FOCAD: variants seen among roughly 807,000 people sequenced by gnomAD.
FOCAD encodes KIAA1797.
A neutral mutation model predicts 225.6 loss-of-function variants in FOCAD; 198 were observed. The observed-to-expected ratio is 0.88, with a 90% confidence interval of 0.78 to 0.99. The LOEUF (loss-of-function observed/expected upper bound fraction) is 0.99. Among genes scored for constraint, FOCAD ranks in the 50% least tolerant of loss-of-function variants. The pLI, the probability that FOCAD is intolerant of heterozygous loss-of-function variation, is 0.00. For missense variants in FOCAD, 2,713 were observed against 2,123.6 expected (o/e 1.28, Z -5.46); for synonymous variants, 897 against 755.0 (o/e 1.19, Z -3.08).
At chr9:20,885,539 T>C (rs772433268) in intron 21 of FOCAD, 1 of 162,902 alleles carries the variant, frequency 6.1e-6, no homozygotes, top group Non-Finnish European at 1.3e-5. Context: ...GAAATGCTAC[T>C]GCCTATATCT....
chr9:20,842,137 T>TC, intron 15 of FOCAD, among the ~76,000 whole-genome samples: 1 of 151,866 alleles, frequency 6.6e-6, no homozygotes, highest in South Asian at 2.1e-4. Flanking sequence ...ATTTTTTTTT[T>TC]CAATTTTACA....
chr9:20,871,856 T>G (rs1829804998), intron 18 of FOCAD, among the ~76,000 whole-genome samples: 1 of 148,864 alleles, frequency 6.7e-6, no homozygotes, highest in African/African-American at 2.5e-5. Flanking sequence ...CATGTATACA[T>G]ATGTAACTAA....
chr9:20,931,977 C>T (rs1270757028), intron 27 of FOCAD, among the ~76,000 whole-genome samples: 5 of 151,488 alleles, frequency 3.3e-5, no homozygotes. Flanking sequence ...AAAAAGTCTC[C>T]TGAATTTAAG....
intron 15 of FOCAD, among the ~76,000 whole-genome samples, chr9:20,834,761 G>T (rs1265624552): frequency 6.6e-6 from 1 of 151,950 alleles, no homozygotes; most frequent in Non-Finnish European, 1.5e-5. Flanking sequence ...CTGGACTGTG[G>T]TTTATATTTG....
chr9:20,935,244 A>G (rs1269529484), intron 28 of FOCAD, among the ~76,000 whole-genome samples: 2 of 152,246 alleles, frequency 1.3e-5, no homozygotes, highest in East Asian at 1.9e-4. Context: ...ACCAGGTTTC[A>G]GCAATAGACA....
chr9:20,830,847 A>T (rs1825412664), intron 15 of FOCAD, among the ~76,000 whole-genome samples: 1 of 151,702 alleles, frequency 6.6e-6, no homozygotes, highest in Non-Finnish European at 1.5e-5. Context: ...TGGCTAACTT[A>T]AATTTTTTGT....
intron 10 of FOCAD, among the ~76,000 whole-genome samples, chr9:20,788,277 G>C (rs1407758483): frequency 6.6e-6 from 1 of 152,194 alleles, no homozygotes; most frequent in African/African-American, 2.4e-5. Context: ...GAGTAGATTA[G>C]TTGTTGCCAA....
intron 15 of FOCAD, among the ~76,000 whole-genome samples, chr9:20,845,754 A>T (rs1300661230): frequency 6.6e-6 from 1 of 152,024 alleles, no homozygotes; most frequent in African/African-American, 2.4e-5. Flanking sequence ...GCTTTTCTGC[A>T]TAGGATATAA....
Position 20,770,238 on chromosome 9 carries a change from G to C in FOCAD, c.906G>C (p.Glu302Asp). ...LLEHSVELLKEDFPVELVIIG... is the reference protein window; with the variant it reads ...LLEHSVELLKDDFPVELVIIG... ...AGCACAGTGTTGAACTTCTGAAGGA[G>C]GTAAGGATAGTAGTATATTATACTG... Residue 302 changes from glutamate to aspartate, a missense_variant and splice_region_variant, in exon 8 of 44, where the codon GAG (glutamate) becomes GAC (aspartate). By Grantham distance (45) the Glu-to-Asp change is conservative (BLOSUM62 2). Transcript: ENST00000338382. 1.2e-6 allele frequency: 2 copies of C among 1,612,020 alleles called. No homozygotes were observed. The highest frequency in any genetic ancestry group is 1.7e-6 in the Non-Finnish European group (2 of 1,178,318).
At chr9:20,705,840 G>T (rs1416071387) in intron 1 of FOCAD, among the ~76,000 whole-genome samples, 1 of 148,900 alleles carries the variant, frequency 6.7e-6, no homozygotes, top group African/African-American at 2.5e-5. Context: ...CATATATTTA[G>T]CATATACATA....
At chr9:20,839,408 A>C (rs940685823) in intron 15 of FOCAD, among the ~76,000 whole-genome samples, 1 of 151,664 alleles carries the variant, frequency 6.6e-6, no homozygotes, top group Non-Finnish European at 1.5e-5. Context: ...ACAGGTGTGC[A>C]GACCCGTGCC....
intron 15 of FOCAD, among the ~76,000 whole-genome samples, chr9:20,853,237 G>A (rs1329723897): frequency 1.3e-5 from 2 of 151,720 alleles, no homozygotes; most frequent in African/African-American, 4.8e-5. Flanking sequence ...GGAAGATACT[G>A]TTCCTTGTGG....
intron 32 of FOCAD, 35 bp from the exon 33 acceptor site, chr9:20,949,569 G>T: frequency 6.4e-7 from 1 of 1,553,194 alleles, no homozygotes; most frequent in South Asian, 1.1e-5. Flanking sequence ...TTTTATGGGG[G>T]TGGGTGGGAT....
chr9:20,827,159 C>G (rs149752050), intron 15 of FOCAD, among the ~76,000 whole-genome samples: 8 of 152,124 alleles, frequency 5.3e-5, no homozygotes, highest in African/African-American at 1.9e-4. Context: ...ACTTTTAACT[C>G]CCCACAAAAC....
At chr9:20,918,459 C>T (rs1834058311) in intron 24 of FOCAD, among the ~76,000 whole-genome samples, 1 of 152,234 alleles carries the variant, frequency 6.6e-6, no homozygotes, top group Non-Finnish European at 1.5e-5. Context: ...CGCGGTGGCT[C>T]ACGCCTGTAA....
chr9:20,892,100 C>G (rs943186722), intron 21 of FOCAD, among the ~76,000 whole-genome samples: 18 of 152,224 alleles, frequency 1.2e-4, no homozygotes, highest in Non-Finnish European at 2.1e-4. Context: ...ATTTTAATCC[C>G]ACATTAAGAA....
chr9:20,668,712 C>T (rs1821967743), intron 2 of FOCAD, among the ~76,000 whole-genome samples: 1 of 152,146 alleles, frequency 6.6e-6, no homozygotes, highest in African/African-American at 2.4e-5. Flanking sequence ...TATGAACTGG[C>T]CTACAGCTTG....
intron 1 of FOCAD, among the ~76,000 whole-genome samples, chr9:20,690,121 C>T (rs1013002078): frequency 7.9e-5 from 12 of 152,168 alleles, no homozygotes; most frequent in African/African-American, 2.9e-4. Flanking sequence ...TGGCAATTGC[C>T]ATGAATGTGG....
chr9:20,913,046 G>A (rs1833570120), intron 23 of FOCAD, 92 bp downstream of exon 23: 1 of 974,384 alleles, frequency 1.0e-6, no homozygotes, highest in African/African-American at 1.6e-5. Flanking sequence ...AGATTAGCAG[G>A]TTTAACCTCT....
Sources: allele counts gnomAD v4.1 joint callset (sites outside exome capture counted in the v4.1 genomes callset), GRCh38; gene constraint gnomAD v4.1.1; transcripts MANE v1.5; gene names NCBI Gene and HGNC (gene_info 2026-07-23, HGNC 2026-07-21).